Variants in CTSC observed in about 807,000 individuals in gnomAD.
CTSC encodes the protein dipeptidyl peptidase 1.
In CTSC, 37 loss-of-function variants were observed where a neutral mutation model predicts 40.9. The ratio of observed to expected loss-of-function variants is 0.91; its 90% CI spans 0.70 to 1.19. The LOEUF (loss-of-function observed/expected upper bound fraction) is 1.19. CTSC is among the 50% of genes most tolerant of loss of function. The pLI, the probability that CTSC is intolerant of heterozygous loss-of-function variation, is 0.00. For synonymous variants in CTSC, 232 were observed against 207.4 expected, an observed-to-expected ratio of 1.12 and a Z score of -1.02; for missense variants, 594 against 567.3, an observed-to-expected ratio of 1.05 and a Z score of -0.48.
chr11:88,330,849 C>A (rs1171641500), intron 2 of CTSC, among the ~76,000 whole-genome samples: 2 of 152,112 alleles, frequency 1.3e-5, no homozygotes, highest in African/African-American at 2.4e-5. Flanking sequence ...AATCTCAAAT[C>A]ATAAAAAATG....
At chr11:88,307,556 CTTTT>C (rs5793311) in intron 4 of CTSC, among the ~76,000 whole-genome samples, 4 of 73,486 alleles carry the variant, frequency 5.4e-5, no homozygotes, top group African/African-American at 2.3e-4. Flanking sequence ...ATACTGATAA[CTTTT>C]TTTTTTTTTT....
At position 88,326,364 on chromosome 11, in the gene CTSC, G is replaced by T. The variant is rs375478636; in HGVS notation, c.318+8573C>A. ...TACAGGTAGGTCCACACTGTCGCAG[G>T]CTGCTCTGTCTCTTAGCCCCAACGT... On this transcript the variant is annotated intron_variant, in intron 2 of 6. Transcript: ENST00000227266. 1.8e-5 allele frequency: 29 copies of T among 1,613,712 alleles called. No homozygotes were observed. In the South Asian group the frequency reaches 3.1e-4, roughly 17 times the overall value.
At chr11:88,299,282 C>T (rs1022832429) in intron 5 of CTSC, 1 of 152,174 alleles carries the variant, frequency 6.6e-6, no homozygotes, top group East Asian at 1.9e-4. Flanking sequence ...CTTGCAATCT[C>T]TTAACATGGA....
chr11:88,325,614 G>A (rs1217548296), intron 2 of CTSC: 1 of 984,620 alleles, frequency 1.0e-6, no homozygotes, highest in Non-Finnish European at 1.2e-6. Context: ...TCTATAAAAT[G>A]AAACTAGTTA....
chr11:88,311,936 G>A (rs1937765355), intron 3 of CTSC, among the ~76,000 whole-genome samples: 1 of 152,178 alleles, frequency 6.6e-6, no homozygotes, highest in African/African-American at 2.4e-5. Context: ...CCAGTCTGTG[G>A]TACTTTGTTA....
At chr11:88,320,634 T>C (rs902649970) in intron 2 of CTSC, among the ~76,000 whole-genome samples, 1 of 152,180 alleles carries the variant, frequency 6.6e-6, no homozygotes, top group Non-Finnish European at 1.5e-5. Flanking sequence ...AGCCCTATCT[T>C]GGCCTCTATA....
At chr11:88,312,741 G>C (rs1376447240) in intron 2 of CTSC, among the ~76,000 whole-genome samples, 187 bp from the exon 3 acceptor site, 1 of 152,038 alleles carries the variant, frequency 6.6e-6, no homozygotes, top group Admixed American at 6.6e-5. Context: ...AGCACTGTTG[G>C]CCACCAAACA....
intron 1 of CTSC, among the ~76,000 whole-genome samples, chr11:88,336,903 C>T (rs2134832578): frequency 6.6e-6 from 1 of 152,286 alleles, no homozygotes; most frequent in South Asian, 2.1e-4. Flanking sequence ...TTTCTAATTA[C>T]TAGGTTCAGA....
chr11:88,318,796 C>T (rs1223094526), intron 2 of CTSC, among the ~76,000 whole-genome samples: 1 of 152,128 alleles, frequency 6.6e-6, no homozygotes. Context: ...ATCCCAGCTA[C>T]TTGGGAGGAT....
chr11:88,305,966 T>C (rs1408766637), intron 4 of CTSC, among the ~76,000 whole-genome samples: 2 of 152,154 alleles, frequency 1.3e-5, no homozygotes, highest in African/African-American at 4.8e-5. Flanking sequence ...TTGATGCTTG[T>C]TTGGATTTTT....
intron 6 of CTSC, among the ~76,000 whole-genome samples, chr11:88,295,461 C>G (rs1315519928): frequency 6.6e-6 from 1 of 151,828 alleles, no homozygotes; most frequent in East Asian, 1.9e-4. Flanking sequence ...CTCACTGCAG[C>G]CTTGACCTCC....
chr11:88,314,997 T>C (rs1259339340), intron 2 of CTSC, among the ~76,000 whole-genome samples: 2 of 152,216 alleles, frequency 1.3e-5, no homozygotes, highest in East Asian at 3.8e-4. Context: ...AGAGGGTGTG[T>C]TGTGTGAAAA....
At chr11:88,296,400 G>A (rs1257025870) in intron 5 of CTSC, 136 bp from the exon 6 acceptor site, 16 of 1,073,204 alleles carry the variant, frequency 1.5e-5, no homozygotes, top group Non-Finnish European at 2.2e-5. Context: ...ACAATAAGAA[G>A]ACTCAACTAA....
intron 1 of CTSC, 131 bp downstream of exon 1, chr11:88,337,370 C>G: frequency 7.3e-6 from 7 of 955,390 alleles, no homozygotes; most frequent in Non-Finnish European, 1.1e-5. Flanking sequence ...CCAAGGGTCC[C>G]CGAATCCAGT....
intron 2 of CTSC, among the ~76,000 whole-genome samples, chr11:88,316,629 T>C (rs547688435): frequency 3.3e-5 from 5 of 152,312 alleles, no homozygotes; most frequent in African/African-American, 9.6e-5. Context: ...GACAATAGGA[T>C]TTTTGTTTAT....
chr11:88,318,675 G>A (rs767232770), intron 2 of CTSC, among the ~76,000 whole-genome samples: 3 of 152,190 alleles, frequency 2.0e-5, no homozygotes, highest in Non-Finnish European at 4.4e-5. Flanking sequence ...GGAGGCTGAG[G>A]CGGGTGGATC....
At chr11:88,323,358 A>G (rs1938080619) in intron 2 of CTSC, 1 of 152,198 alleles carries the variant, frequency 6.6e-6, no homozygotes, top group African/African-American at 2.4e-5. Context: ...GAAAACTGGC[A>G]CAAGACAAGG....
intron 3 of CTSC, among the ~76,000 whole-genome samples, chr11:88,309,521 A>G (rs747022377): frequency 2.6e-5 from 4 of 152,168 alleles, no homozygotes; most frequent in Non-Finnish European, 5.9e-5. Flanking sequence ...ATGCATGTAT[A>G]AGGATTTTCC....
At chr11:88,296,404 CAACT>C in intron 5 of CTSC, 140 bp from the exon 6 acceptor site, 1 of 1,044,518 alleles carries the variant, frequency 9.6e-7, no homozygotes, top group South Asian at 1.4e-5. Context: ...TAAGAAGACT[CAACT>C]AACAAGCATT....
Sources: gnomAD v4.1 joint callset for allele counts (sites outside exome capture counted in the v4.1 genomes callset) on GRCh38, gnomAD v4.1.1 for gene constraint, MANE v1.5 for transcripts, NCBI Gene and HGNC (gene_info 2026-07-23, HGNC 2026-07-21) for gene names.